Variants in KATNIP observed in about 807,000 individuals in gnomAD.
KATNIP encodes the protein katanin interacting protein.
Under a neutral mutation model 174.0 loss-of-function variants are expected in KATNIP, and 126 were observed. The observed-to-expected ratio is 0.72, with a 90% CI of 0.63 to 0.84. KATNIP has a LOEUF of 0.84. Among genes scored for constraint, KATNIP ranks in the 40% least tolerant of loss-of-function variants. The pLI, the probability that KATNIP is intolerant of heterozygous loss-of-function variation, is 0.00. For missense variants in KATNIP, 1,958 were observed against 2,109.7 expected (o/e 0.93, Z 1.41); for synonymous variants, 810 against 835.7 (o/e 0.97, Z 0.53).
chr16:27,732,700 G>A (rs1352230506), intron 14 of KATNIP, among the ~76,000 whole-genome samples: 1 of 152,198 alleles, frequency 6.6e-6, no homozygotes, highest in Non-Finnish European at 1.5e-5. Flanking sequence ...CTGGGTGACA[G>A]CACCTCACTC....
Position 27,777,598 on chromosome 16 carries a change from G to T in KATNIP, c.4552-12G>T, listed in dbSNP as rs753500426. On this transcript the variant is annotated splice_polypyrimidine_tract_variant and intron_variant, in intron 25 of 27. Coordinates refer to ENST00000261588, the MANE Select transcript of KATNIP (RefSeq NM_015202.5). This position sits in a 1 kb window ranked among gnomAD's most constrained non-coding sequence, Gnocchi z 4.4. ...GAGGGGGACCCATGAGTCCTGCCCC[G>T]TGTCCCTGCAGCTCCTGGTGGACGA... 1 of 1,600,676 alleles carries T rather than the reference G, an allele frequency of 6.2e-7. No homozygotes were observed. Among genetic ancestry groups the T allele is most frequent in the Admixed American group, 1.7e-5 (1 of 59,278 alleles).
At chr16:27,748,531 T>C (rs1365778875) in intron 15 of KATNIP, among the ~76,000 whole-genome samples, 1 of 152,144 alleles carries the variant, frequency 6.6e-6, no homozygotes, top group Admixed American at 6.5e-5. Flanking sequence ...GTTAAGGCCA[T>C]GGTGAGCCAT....
intron 7 of KATNIP, among the ~76,000 whole-genome samples, chr16:27,679,790 C>G (rs2078261875): frequency 6.6e-6 from 1 of 150,726 alleles, no homozygotes; most frequent in Admixed American, 6.6e-5. Flanking sequence ...GGACACAGTT[C>G]AGCTCTGGAA....
chr16:27,769,681 C>T (rs1233168314), intron 20 of KATNIP, among the ~76,000 whole-genome samples, 180 bp from the exon 21 acceptor site: 2 of 152,250 alleles, frequency 1.3e-5, no homozygotes, highest in Non-Finnish European at 2.9e-5. Context: ...CTGTCTTGTC[C>T]TCTGCTACCT....
chr16:27,708,459 T>TTCA, intron 12 of KATNIP: 1 of 461,548 alleles, frequency 2.2e-6, no homozygotes, highest in East Asian at 3.4e-5. Context: ...TTTGTAAACT[T>TTCA]TCAAACAGAA....
chr16:27,600,815 C>T (rs1240456987), intron 2 of KATNIP, among the ~76,000 whole-genome samples: 2 of 151,854 alleles, frequency 1.3e-5, no homozygotes, highest in Admixed American at 1.3e-4. Context: ...CCACAACCTC[C>T]GCCTCCCAGA....
intron 19 of KATNIP, among the ~76,000 whole-genome samples, chr16:27,761,904 GCTGT>G (rs1272660422): frequency 6.6e-6 from 1 of 152,206 alleles, no homozygotes; most frequent in African/African-American, 2.4e-5. Context: ...GCACACAGTA[GCTGT>G]CTGTAAACCT....
intron 8 of KATNIP, among the ~76,000 whole-genome samples, chr16:27,683,231 C>T (rs141815145): frequency 1.3e-5 from 2 of 152,312 alleles, no homozygotes; most frequent in Non-Finnish European, 2.9e-5. Context: ...AGTCTCTGAT[C>T]TGCATCCTGC....
chr16:27,679,467 G>T (rs578192671), intron 7 of KATNIP, among the ~76,000 whole-genome samples: 83 of 152,220 alleles, frequency 5.5e-4, no homozygotes, highest in African/African-American at 1.9e-3. Flanking sequence ...GTATGAGTTT[G>T]GAGGGGGCCA....
intron 18 of KATNIP, among the ~76,000 whole-genome samples, chr16:27,758,914 C>G (rs2081841626): frequency 6.6e-6 from 1 of 152,200 alleles, no homozygotes; most frequent in South Asian, 2.1e-4. Flanking sequence ...TTCTTGAGTT[C>G]AGAGATTGTG....
chr16:27,567,967 A>G (rs1203139360), intron 1 of KATNIP, among the ~76,000 whole-genome samples: 1 of 152,220 alleles, frequency 6.6e-6, no homozygotes, highest in Non-Finnish European at 1.5e-5. Flanking sequence ...CAGTCTCTAA[A>G]AGATAATAGT....
At chr16:27,757,961 G>T (rs1455961532) in intron 18 of KATNIP, among the ~76,000 whole-genome samples, 9 of 152,202 alleles carry the variant, frequency 5.9e-5, no homozygotes, top group East Asian at 3.8e-4. Context: ...AGCTGAGAGG[G>T]TTGAAACATG....
chr16:27,596,631 T>C (rs2075343690), intron 2 of KATNIP, among the ~76,000 whole-genome samples: 1 of 152,182 alleles, frequency 6.6e-6, no homozygotes, highest in South Asian at 2.1e-4. Flanking sequence ...AAATGGTAGC[T>C]CACACTGTTT....
chr16:27,745,697 C>T (rs192272096), intron 15 of KATNIP, among the ~76,000 whole-genome samples: 160 of 152,332 alleles, frequency 1.1e-3, no homozygotes, highest in African/African-American at 3.6e-3. Flanking sequence ...CTATTCATCT[C>T]AATCTAGGAG....
At chr16:27,717,995 G>A (rs1396507327) in intron 13 of KATNIP, among the ~76,000 whole-genome samples, 2 of 152,110 alleles carry the variant, frequency 1.3e-5, no homozygotes, top group Non-Finnish European at 2.9e-5. Context: ...CACCTTCCCT[G>A]CCTTGTCTCA....
intron 2 of KATNIP, among the ~76,000 whole-genome samples, chr16:27,602,929 G>A (rs1191450061): frequency 6.6e-6 from 1 of 152,132 alleles, no homozygotes; most frequent in Non-Finnish European, 1.5e-5. Flanking sequence ...GAACTCCTGG[G>A]CTCAAAGTGA....
chr16:27,699,320 TG>T (rs1220564492), intron 9 of KATNIP, among the ~76,000 whole-genome samples: 7 of 152,196 alleles, frequency 4.6e-5, no homozygotes, highest in Admixed American at 6.5e-5. Context: ...CAGCACCGGT[TG>T]TTCCCCAGGC....
intron 11 of KATNIP, among the ~76,000 whole-genome samples, chr16:27,702,285 TA>T (rs1348748764): frequency 2.0e-5 from 3 of 152,206 alleles, no homozygotes; most frequent in African/African-American, 7.2e-5. Context: ...CCAGCTGGTC[TA>T]GGGGGCGAGG....
chr16:27,771,623 A>G lies in KATNIP; in HGVS notation c.4169A>G (p.Asp1390Gly). 5.0e-6 allele frequency: 8 copies of G among 1,613,506 alleles called. No homozygotes were observed. In the South Asian group the frequency reaches 6.6e-5, roughly 13 times the overall value. ...AGAAGCCTGGAGTGTGCAAGCATGG[A>G]CTACGAGGCACCGCTGATGCCCTGT... The part of the protein sequence containing the change: ...DMRSLECASM[D>G]YEAPLMPCGF... The change falls in exon 22 of 28, where the codon GAC (aspartate) becomes GGC (glycine). Residue 1390 changes from aspartate to glycine, a missense_variant. Asp to Gly is a moderately conservative substitution (Grantham distance 94). Coordinates refer to ENST00000261588, the MANE Select transcript of KATNIP (RefSeq NM_015202.5).
Sources: gnomAD v4.1 joint callset for allele counts (sites outside exome capture counted in the v4.1 genomes callset) on GRCh38, gnomAD v4.1.1 for gene constraint, Gnocchi (gnomAD v3.1) non-coding constraint, MANE v1.5 for transcripts, NCBI Gene and HGNC (gene_info 2026-07-23, HGNC 2026-07-21) for gene names.